Variants in NCOA7 observed in about 807,000 individuals in gnomAD.
NCOA7 encodes 140 kDa estrogen receptor-associated protein.
A neutral mutation model predicts 104.3 loss-of-function variants in NCOA7; 45 were observed. That is an observed-to-expected ratio of 0.43 (90% CI 0.34 to 0.55). The LOEUF is 0.55. Ranked by LOEUF, NCOA7 falls within the 20% of genes least tolerant of loss-of-function variation. The pLI is 0.02. For synonymous variants in NCOA7, 398 were observed against 402.3 expected (o/e 0.99, Z 0.13); for missense variants, 1,041 against 1,119.7 (o/e 0.93, Z 1.00).
chr6:125,842,158 G>A (rs1313433056), intron 2 of NCOA7, among the ~76,000 whole-genome samples: 4 of 152,186 alleles, frequency 2.6e-5, no homozygotes, highest in East Asian at 3.9e-4. Context: ...TTTCCCTTAC[G>A]AGGCTTTCAG....
intron 3 of NCOA7, among the ~76,000 whole-genome samples, chr6:125,858,637 AAAAG>A (rs1562926374): frequency 6.6e-6 from 1 of 152,102 alleles, no homozygotes; most frequent in African/African-American, 2.4e-5. Flanking sequence ...GAAAAAAAAA[AAAAG>A]AAAGAAATGC....
At chr6:125,829,067 G>A (rs1441931106) in intron 2 of NCOA7, among the ~76,000 whole-genome samples, 2 of 151,846 alleles carry the variant, frequency 1.3e-5, no homozygotes, top group African/African-American at 2.4e-5. Context: ...TTTTTTAATT[G>A]TAATATCTTA....
chr6:125,881,080 C>A lies in NCOA7; in HGVS notation c.460-10C>A. ...CTGGTACTCACCCATCTGTTCTCTC[C>A]CATTCTCAGGTCCTTTTTGTGCCAG... On this transcript the variant is annotated splice_polypyrimidine_tract_variant and intron_variant, in intron 5 of 15. Coordinates refer to ENST00000392477, the MANE Select transcript of NCOA7 (RefSeq NM_181782.5). 1 of 1,592,986 alleles carries A rather than the reference C, an allele frequency of 6.3e-7. No individual in the cohort carries two copies. The highest frequency in any genetic ancestry group is 8.6e-7 in the Non-Finnish European group (1 of 1,160,914).
chr6:125,874,746 G>A (rs534205342), intron 3 of NCOA7, 143 bp from the exon 4 acceptor site: 74 of 597,302 alleles, frequency 1.2e-4, no homozygotes, highest in Non-Finnish European at 2.0e-4. Flanking sequence ...TTATGAGTAT[G>A]ATCTATTTGT....
intron 3 of NCOA7, among the ~76,000 whole-genome samples, chr6:125,867,722 G>A (rs1282485525): frequency 6.6e-6 from 1 of 152,102 alleles, no homozygotes; most frequent in African/African-American, 2.4e-5. Flanking sequence ...GTAATTTAGT[G>A]CATACCACTA....
Position 125,929,671 on chromosome 6 carries a change from T to C in NCOA7, c.*900T>C, listed in dbSNP as rs1236442681. On this transcript the variant is annotated 3_prime_UTR_variant, in exon 16 of 16. Coordinates refer to ENST00000392477, the MANE Select transcript of NCOA7 (RefSeq NM_181782.5). ...TATTCGTGTGAAAAAGAATACATCA[T>C]TTCTCACAGTCTTAAGTTGATATTT... 1 of 152,222 alleles carries C rather than the reference T, an allele frequency of 6.6e-6. No individual in the cohort carries two copies. Among genetic ancestry groups the C allele is most frequent in the Non-Finnish European group, 1.5e-5 (1 of 68,038 alleles). 9.4% of individuals were successfully genotyped at this position (152,222 alleles called of 1,614,324 possible).
chr6:125,782,227 T>C (rs1037753910), intron 1 of NCOA7, among the ~76,000 whole-genome samples: 1 of 152,240 alleles, frequency 6.6e-6, no homozygotes, highest in Admixed American at 6.5e-5. Flanking sequence ...AAATTATACA[T>C]GTCCTTACAT....
intron 1 of NCOA7, among the ~76,000 whole-genome samples, chr6:125,811,871 G>A (rs2128566754): frequency 6.6e-6 from 1 of 152,262 alleles, no homozygotes. Flanking sequence ...ATTCTGTGCT[G>A]CAGCATTGGA....
At position 125,890,637 on chromosome 6, in the gene NCOA7, T is replaced by C. The variant is rs1317879823; in HGVS notation, c.1928-5T>C. 2 of 1,604,174 alleles carry C rather than the reference T, an allele frequency of 1.2e-6. No homozygotes were observed. Among genetic ancestry groups the C allele is most frequent in the Non-Finnish European group, 1.7e-6 (2 of 1,176,582 alleles). Reference sequence around the variant, plus strand: ...TGAGGAACAGTTTTTTCGTGTGTGATTCAGATATACTTCCTTCAAAAGAAG... The same window carrying C: ...TGAGGAACAGTTTTTTCGTGTGTGACTCAGATATACTTCCTTCAAAAGAAG... On this transcript the variant is annotated splice_region_variant and splice_polypyrimidine_tract_variant and intron_variant, in intron 9 of 15. Coordinates refer to ENST00000392477, the MANE Select transcript of NCOA7 (RefSeq NM_181782.5).
intron 2 of NCOA7, among the ~76,000 whole-genome samples, chr6:125,824,244 A>G (rs955176424): frequency 1.3e-5 from 2 of 152,234 alleles, no homozygotes; most frequent in Non-Finnish European, 2.9e-5. Context: ...TTAACCTGAA[A>G]TCCCAGACTG....
At chr6:125,874,083 A>G (rs187705343) in intron 3 of NCOA7, among the ~76,000 whole-genome samples, 2 of 152,194 alleles carry the variant, frequency 1.3e-5, no homozygotes, top group Non-Finnish European at 2.9e-5. Context: ...CCAACACTTC[A>G]GGAGGCTGAG....
In NCOA7 at chr6:125,889,140, C is replaced by T. The variant is rs780909660; in HGVS notation, c.1086C>T (p.Pro362=). The T allele has an allele frequency of 1.2e-6, 2 of 1,614,156 alleles. No homozygotes were observed. Among genetic ancestry groups the T allele is most frequent in the African/African-American group, 2.7e-5 (2 of 75,052 alleles). Residue 362 remains proline, a synonymous_variant, in exon 9 of 16, where the codon CCC becomes CCT. Transcript: ENST00000392477. ...CCACAGGACATACACCTACAAAGCC[C>T]TCAGGCAGCTCTGTGTCAGAGAAAT... is the stretch of plus-strand genomic sequence containing the variant. ...EKSTGHTPTK[P]SGSSVSEKLK... is the part of the protein sequence containing the mutation.
At chr6:125,866,258 G>T (rs1782435324) in intron 3 of NCOA7, among the ~76,000 whole-genome samples, 1 of 151,982 alleles carries the variant, frequency 6.6e-6, no homozygotes, top group Admixed American at 6.5e-5. Flanking sequence ...GAACCCGTGA[G>T]GTGGAGTTTT....
intron 1 of NCOA7, among the ~76,000 whole-genome samples, chr6:125,801,113 G>A (rs1775849310): frequency 6.6e-6 from 1 of 152,224 alleles, no homozygotes; most frequent in African/African-American, 2.4e-5. Context: ...GAGTTTGTTA[G>A]TGTAAAATTG....
At chr6:125,882,366 T>A in intron 6 of NCOA7, 60 bp from the exon 7 acceptor site, 1 of 1,562,080 alleles carries the variant, frequency 6.4e-7, no homozygotes, top group South Asian at 1.2e-5. Context: ...GCTTGATTTA[T>A]ACACATAATT....
intron 10 of NCOA7, among the ~76,000 whole-genome samples, chr6:125,907,168 A>G (rs1221456799): frequency 2.0e-5 from 3 of 152,190 alleles, no homozygotes; most frequent in Non-Finnish European, 4.4e-5. Context: ...ATGAGGGGAT[A>G]TTATGCGGGA....
At chr6:125,873,931 G>A (rs1391489003) in intron 3 of NCOA7, among the ~76,000 whole-genome samples, 1 of 152,120 alleles carries the variant, frequency 6.6e-6, no homozygotes, top group African/African-American at 2.4e-5. Context: ...CGGTTCTGGG[G>A]TTTCTGATAT....
At chr6:125,867,843 G>T (rs116461529) in intron 3 of NCOA7, among the ~76,000 whole-genome samples, 188 of 152,288 alleles carry the variant, frequency 1.2e-3, no homozygotes, top group African/African-American at 4.2e-3. Flanking sequence ...TGGAGCTCAT[G>T]CAGTGCCTGG....
At chr6:125,918,813 C>T (rs1028299443) in intron 11 of NCOA7, among the ~76,000 whole-genome samples, 3 of 152,066 alleles carry the variant, frequency 2.0e-5, no homozygotes, top group South Asian at 4.1e-4. Flanking sequence ...AGTGAAATGC[C>T]GTTTGTTCTA....
Sources: allele counts gnomAD v4.1 joint callset (sites outside exome capture counted in the v4.1 genomes callset), GRCh38; gene constraint gnomAD v4.1.1; transcripts MANE v1.5; gene names NCBI Gene and HGNC (gene_info 2026-07-23, HGNC 2026-07-21).